The following ARFGAP3 variants were observed in gnomAD, a reference collection of about 807,000 sequenced individuals.
ARFGAP3 encodes the protein ADP-ribosylation factor GTPase-activating protein 3.
Under a neutral mutation model 75.0 loss-of-function variants are expected in ARFGAP3, and 72 were observed. The ratio of observed to expected loss-of-function variants is 0.96; its 90% CI spans 0.79 to 1.17. The LOEUF (loss-of-function observed/expected upper bound fraction) is 1.17. Among genes scored for constraint, ARFGAP3 ranks in the 50% most tolerant of loss-of-function variants. ARFGAP3 has a pLI of 0.00. For synonymous variants in ARFGAP3, 221 were observed against 217.9 expected, an observed-to-expected ratio of 1.01 and a Z score of -0.13; for missense variants, 620 against 626.6, an observed-to-expected ratio of 0.99 and a Z score of 0.11.
Position 42,797,452 on chromosome 22 carries a change from A to G in ARFGAP3, c.*136T>C. 1 of 1,106,716 alleles carries G rather than the reference A, an allele frequency of 9.0e-7. No individual in the cohort carries two copies. Among genetic ancestry groups the G allele is most frequent in the Non-Finnish European group, 1.3e-6 (1 of 751,292 alleles). The allele number at this position is 1,106,716 out of a possible 1,614,324, so 68.6% of individuals were successfully genotyped here. ...AGAATTTCTCAAAAGAAATATTAAA[A>G]ATCAGAAACATATACCATATGAAAA... On this transcript the variant is annotated 3_prime_UTR_variant, in exon 16 of 16. Coordinates refer to ENST00000263245, the MANE Select transcript of ARFGAP3 (RefSeq NM_014570.5).
intron 2 of ARFGAP3, among the ~76,000 whole-genome samples, chr22:42,845,295 C>T (rs139245422): frequency 0.011 from 1,615 of 149,220 alleles, 29 homozygotes; most frequent in African/African-American, 0.037. Context: ...GAGGCCGAGG[C>T]GGGCAGATCA....
At chr22:42,846,469 G>A (rs189758412) in intron 2 of ARFGAP3, among the ~76,000 whole-genome samples, 1 of 152,358 alleles carries the variant, frequency 6.6e-6, no homozygotes, top group East Asian at 1.9e-4. Flanking sequence ...CAAAGGTGGT[G>A]TCTTCTTCTG....
In ARFGAP3 at chr22:42,797,530, G is replaced by C. The variant is rs1395593297; in HGVS notation, c.*58C>G. 1 of 1,609,096 alleles carries C rather than the reference G, an allele frequency of 6.2e-7. No individual in the cohort carries two copies. Among genetic ancestry groups the C allele is most frequent in the Non-Finnish European group, 8.5e-7 (1 of 1,175,812 alleles). ...TGGACTTCACTGCCGCCTGAGATGT[G>C]GTTACTTGTTCATTTAAAGAGGAAT... On this transcript the variant is annotated 3_prime_UTR_variant, in exon 16 of 16. Coordinates refer to ENST00000263245, the MANE Select transcript of ARFGAP3 (RefSeq NM_014570.5).
intron 14 of ARFGAP3, among the ~76,000 whole-genome samples, chr22:42,802,331 A>G (rs1330574230): frequency 6.6e-6 from 1 of 151,314 alleles, no homozygotes; most frequent in Non-Finnish European, 1.5e-5. Context: ...TGTCACCCAG[A>G]CTGGAGTGTA....
chr22:42,842,839 A>T (rs1348423232), intron 2 of ARFGAP3, among the ~76,000 whole-genome samples: 1 of 152,090 alleles, frequency 6.6e-6, no homozygotes, highest in Non-Finnish European at 1.5e-5. Context: ...CTACGCCAAC[A>T]TCATAAAAAG....
chr22:42,846,385 T>C (rs1176969011), intron 2 of ARFGAP3, among the ~76,000 whole-genome samples: 1 of 152,240 alleles, frequency 6.6e-6, no homozygotes, highest in Non-Finnish European at 1.5e-5. Context: ...TCTTTTATTA[T>C]TTCAATTTAT....
intron 2 of ARFGAP3, among the ~76,000 whole-genome samples, chr22:42,843,171 G>T (rs1260674278): frequency 6.6e-6 from 1 of 151,824 alleles, no homozygotes; most frequent in Non-Finnish European, 1.5e-5. Flanking sequence ...CCCAGGCTGA[G>T]TCAGCCTCCC....
At chr22:42,813,591 C>T (rs1925460448) in intron 11 of ARFGAP3, among the ~76,000 whole-genome samples, 2 of 152,230 alleles carry the variant, frequency 1.3e-5, no homozygotes, top group South Asian at 4.1e-4. Context: ...AGACAGCCAT[C>T]GGCTTGGGTC....
chr22:42,799,265 C>G, intron 14 of ARFGAP3, 105 bp from the exon 15 acceptor site: 1 of 1,532,674 alleles, frequency 6.5e-7, no homozygotes, highest in South Asian at 1.2e-5. Flanking sequence ...GATCTCTCCC[C>G]TCCTGCTGCC....
chr22:42,830,624 CAGAA>C (rs926328248), intron 6 of ARFGAP3, among the ~76,000 whole-genome samples: 23 of 152,154 alleles, frequency 1.5e-4, no homozygotes, highest in African/African-American at 5.3e-4. Context: ...AACTTTAAAA[CAGAA>C]AGAGCTGACT....
chr22:42,810,113 C>G (rs1166546462), intron 12 of ARFGAP3, among the ~76,000 whole-genome samples: 1 of 151,930 alleles, frequency 6.6e-6, no homozygotes, highest in Non-Finnish European at 1.5e-5. Flanking sequence ...TCCACACACA[C>G]ATTTCTTTCA....
At position 42,808,760 on chromosome 22, in the gene ARFGAP3, C is replaced by A. The variant is rs1569138328; in HGVS notation, c.1320+7G>T. On this transcript the variant is annotated splice_region_variant and intron_variant, in intron 13 of 15. Coordinates refer to ENST00000263245, the MANE Select transcript of ARFGAP3 (RefSeq NM_014570.5). Reference sequence around the variant, plus strand: ...GGGGCACCCAAAGAAACTCTCTGGACCCTTACATCAGCCTGGGATTGTCTT... The same window carrying A: ...GGGGCACCCAAAGAAACTCTCTGGAACCTTACATCAGCCTGGGATTGTCTT... The A allele has an allele frequency of 6.2e-7, 1 of 1,607,734 alleles. No homozygotes were observed. The highest frequency in any genetic ancestry group is 8.5e-7 in the Non-Finnish European group (1 of 1,175,828).
chr22:42,828,016 G>A (rs1357118973), intron 6 of ARFGAP3, among the ~76,000 whole-genome samples: 2 of 152,142 alleles, frequency 1.3e-5, no homozygotes, highest in Non-Finnish European at 2.9e-5. Flanking sequence ...GGCTTGTGGT[G>A]GCTTATGCCT....
At chr22:42,827,936 C>G (rs371444455) in intron 6 of ARFGAP3, among the ~76,000 whole-genome samples, 1 of 152,094 alleles carries the variant, frequency 6.6e-6, no homozygotes, top group Non-Finnish European at 1.5e-5. Flanking sequence ...TGAGCTACCG[C>G]GCCCAACCAT....
At chr22:42,845,330 A>G (rs1418245203) in intron 2 of ARFGAP3, among the ~76,000 whole-genome samples, 2 of 152,026 alleles carry the variant, frequency 1.3e-5, no homozygotes, top group Non-Finnish European at 2.9e-5. Context: ...TTCAAGACCA[A>G]CCTGGCCAAC....
In ARFGAP3 at chr22:42,840,919, AATGAC is replaced by A; in HGVS notation, c.261+20_261+24del. 6.2e-7 allele frequency: 1 copy of A among 1,611,196 alleles called. No individual in the cohort carries two copies. The highest frequency in any genetic ancestry group is 8.5e-7 in the Non-Finnish European group (1 of 1,177,972). On this transcript the variant is annotated intron_variant, in intron 3 of 15. Transcript: ENST00000263245. ...TAACAAATATTTAAACAAGAAGGAA[AATGAC>A]GAGTTTGAGATGAACTTACTGCACT...
In ARFGAP3 at chr22:42,823,680, CT is replaced by C. The variant is rs1328173134; in HGVS notation, c.647del (p.Lys216ArgfsTer40). 3.2e-6 allele frequency: 5 copies of C among 1,570,162 alleles called. No homozygotes were observed. Among genetic ancestry groups the C allele is most frequent in the African/African-American group, 1.4e-5 (1 of 72,806 alleles). On this transcript the variant is annotated frameshift_variant, in exon 8 of 16. Transcript: ENST00000263245. LOFTEE classifies it high-confidence loss of function. Reference protein sequence around the residue: ...ATLEVSSIIKKKPNQAKKGLG... With the variant: ...ATLEVSSIIKXKPNQAKKGLG... The stretch of plus-strand genomic sequence containing the variant: ...CGCCTTTTTTAGCTTGATTTGGTTT[CT>C]TTTTTATGATAGAGGATACCTCTGC...
intron 7 of ARFGAP3, 29 bp from the exon 8 acceptor site, chr22:42,823,731 G>T (rs1925913099): frequency 3.3e-6 from 5 of 1,497,746 alleles, no homozygotes; most frequent in Non-Finnish European, 4.5e-6. Flanking sequence ...TAAAAAGTAA[G>T]ACCAATAGAA....
chr22:42,806,436 G>A (rs1309627067), intron 14 of ARFGAP3, among the ~76,000 whole-genome samples: 11 of 152,220 alleles, frequency 7.2e-5, no homozygotes, highest in Non-Finnish European at 1.3e-4. Flanking sequence ...ACACCTCCTC[G>A]CTGGGGTCTG....
Sources: gnomAD v4.1 joint callset for allele counts (sites outside exome capture counted in the v4.1 genomes callset) on GRCh38, gnomAD v4.1.1 for gene constraint, MANE v1.5 for transcripts, NCBI Gene and HGNC (gene_info 2026-07-23, HGNC 2026-07-21) for gene names.